The following NEGR1 variants were observed in gnomAD, a reference collection of about 807,000 sequenced individuals.
NEGR1 encodes the protein IgLON family member 4.
In NEGR1, 10 loss-of-function variants were observed where a neutral mutation model predicts 40.9. The observed-to-expected ratio is 0.24, with a 90% confidence interval of 0.15 to 0.42. NEGR1 has a LOEUF of 0.42. Ranked by LOEUF, NEGR1 falls within the 10% of genes least tolerant of loss-of-function variation. NEGR1 has a pLI of 1.00. For synonymous variants in NEGR1, 185 were observed against 166.8 expected, an observed-to-expected ratio of 1.11 and a Z score of -0.84; for missense variants, 352 against 438.9, an observed-to-expected ratio of 0.80 and a Z score of 1.77.
intron 6 of NEGR1, among the ~76,000 whole-genome samples, chr1:71,488,612 A>G (rs1646903597): frequency 6.6e-6 from 1 of 151,750 alleles, no homozygotes; most frequent in Non-Finnish European, 1.5e-5. Flanking sequence ...TCACAGAATC[A>G]GATTCTTCAT....
intron 1 of NEGR1, among the ~76,000 whole-genome samples, chr1:72,015,596 G>A (rs570018080): frequency 6.6e-6 from 1 of 152,216 alleles, no homozygotes; most frequent in Non-Finnish European, 1.5e-5. Context: ...CTTCAGCCCA[G>A]GAAGTTGAGG....
At chr1:71,752,310 G>A (rs2101688967) in intron 3 of NEGR1, among the ~76,000 whole-genome samples, 1 of 152,242 alleles carries the variant, frequency 6.6e-6, no homozygotes, top group Admixed American at 6.5e-5. Context: ...CGTGAAAGAA[G>A]TCATAGATAA....
intron 2 of NEGR1, among the ~76,000 whole-genome samples, chr1:71,877,421 TC>T (rs1660464834): frequency 6.6e-6 from 1 of 152,142 alleles, no homozygotes; most frequent in Admixed American, 6.5e-5. Context: ...TTCTGAGGGC[TC>T]CCTCCTTGGC....
intron 6 of NEGR1, among the ~76,000 whole-genome samples, chr1:71,588,314 C>T (rs750899285): frequency 1.3e-5 from 2 of 152,076 alleles, no homozygotes; most frequent in Admixed American, 6.6e-5. Context: ...AAGAATTTTG[C>T]TATGAATAGT....
At chr1:71,421,249 A>T (rs1646391894) in intron 6 of NEGR1, 1 of 152,112 alleles carries the variant, frequency 6.6e-6, no homozygotes, top group Non-Finnish European at 1.5e-5. Flanking sequence ...ATTTAGCTAT[A>T]TGTCTAGACT....
At chr1:71,545,436 C>A (rs1409492876) in intron 6 of NEGR1, among the ~76,000 whole-genome samples, 1 of 151,650 alleles carries the variant, frequency 6.6e-6, no homozygotes, top group South Asian at 2.1e-4. Flanking sequence ...GAAGCCAATG[C>A]CCTTTGCTGA....
intron 4 of NEGR1, among the ~76,000 whole-genome samples, chr1:71,645,533 AT>A (rs1406692957): frequency 6.6e-6 from 1 of 151,910 alleles, no homozygotes; most frequent in East Asian, 1.9e-4. Context: ...CAGAAAAAAA[AT>A]CTTCTCTCAA....
chr1:72,053,863 TATTTTA>T (rs1328708443), intron 1 of NEGR1, among the ~76,000 whole-genome samples: 4 of 137,912 alleles, frequency 2.9e-5, no homozygotes, highest in East Asian at 2.0e-4. Context: ...CACTTTTTTG[TATTTTA>T]ATTTTAAGAT....
At chr1:71,779,996 G>A (rs1375498482) in intron 2 of NEGR1, among the ~76,000 whole-genome samples, 2 of 136,160 alleles carry the variant, frequency 1.5e-5, no homozygotes, top group African/African-American at 2.7e-5. Flanking sequence ...AAGGGTTTTG[G>A]ATGGTCCCAG....
rs185271560 is a variant in NEGR1, at chr1:71,807,636, T to C, written c.410-31339A>G. On this transcript the variant is annotated intron_variant, in intron 2 of 6. Transcript: ENST00000357731. Reference sequence around the variant, plus strand: ...GGATTTAGCCTCACTTTATGCTTTTTCTGCATTTACAAAGTCTAAGGTAAC... The same window carrying C: ...GGATTTAGCCTCACTTTATGCTTTTCCTGCATTTACAAAGTCTAAGGTAAC... 2.5e-3 allele frequency among the ~76,000 whole-genome samples: 386 copies of C among 152,338 alleles called. 1 individual carries two copies. The highest frequency in any genetic ancestry group is 8.9e-3 in the African/African-American group (370 of 41,592).
chr1:71,558,341 A>C (rs1264119923), intron 6 of NEGR1, among the ~76,000 whole-genome samples: 1 of 151,600 alleles, frequency 6.6e-6, no homozygotes. Flanking sequence ...TATTGAGGAT[A>C]TACTGATATC....
chr1:71,960,534 G>A (rs1012807816), intron 1 of NEGR1, among the ~76,000 whole-genome samples: 1 of 152,160 alleles, frequency 6.6e-6, no homozygotes, highest in African/African-American at 2.4e-5. Context: ...ATAAAATGAA[G>A]ATGTAAGTTT....
intron 2 of NEGR1, among the ~76,000 whole-genome samples, chr1:71,916,383 T>A (rs948480986): frequency 2.6e-5 from 4 of 152,128 alleles, no homozygotes; most frequent in Non-Finnish European, 5.9e-5. Context: ...AAGTTCTACA[T>A]AATATAAAGA....
chr1:72,243,479 G>C (rs573712859), intron 1 of NEGR1, among the ~76,000 whole-genome samples: 1 of 151,606 alleles, frequency 6.6e-6, no homozygotes, highest in Non-Finnish European at 1.5e-5. Context: ...TGTACCCCTT[G>C]AATCTAAAAT....
chr1:72,117,596 T>A (rs1228358473), intron 1 of NEGR1, among the ~76,000 whole-genome samples: 1 of 151,784 alleles, frequency 6.6e-6, no homozygotes, highest in Non-Finnish European at 1.5e-5. Flanking sequence ...TACCATGGAA[T>A]TTGGGACAAC....
chr1:72,169,279 AT>A (rs202096780), intron 1 of NEGR1, among the ~76,000 whole-genome samples: 2 of 152,088 alleles, frequency 1.3e-5, no homozygotes, highest in African/African-American at 4.8e-5. Context: ...TCAAAATCAT[AT>A]TTTTATGTCT....
At position 71,530,535 on chromosome 1, in the gene NEGR1, A is replaced by T. The variant is rs182593667; in HGVS notation, c.940+62282T>A. On this transcript the variant is annotated intron_variant, in intron 6 of 6. Coordinates refer to ENST00000357731, the MANE Select transcript of NEGR1 (RefSeq NM_173808.3). ...GCCTTCAACAAATTCACAATTAATG[A>T]AGGGTGAGTTTCATTTATAGCTGCA... Among the ~76,000 whole-genome samples, 9 of 151,486 alleles carry T rather than the reference A, an allele frequency of 5.9e-5. No individual in the cohort carries two copies. In the East Asian group the frequency reaches 1.6e-3, roughly 26 times the overall value.
chr1:71,611,580 A>G (rs1012363744), intron 4 of NEGR1, among the ~76,000 whole-genome samples: 1 of 152,220 alleles, frequency 6.6e-6, no homozygotes, highest in Non-Finnish European at 1.5e-5. Context: ...TCAATTTTAC[A>G]AATGTGAAAA....
intron 1 of NEGR1, among the ~76,000 whole-genome samples, chr1:72,044,658 T>C (rs904119559): frequency 1.3e-5 from 2 of 151,786 alleles, no homozygotes; most frequent in Non-Finnish European, 2.9e-5. Flanking sequence ...TGAAAAAACA[T>C]AAACTCTGAT....
Sources: gnomAD v4.1 joint callset for allele counts (sites outside exome capture counted in the v4.1 genomes callset) on GRCh38, gnomAD v4.1.1 for gene constraint, MANE v1.5 for transcripts, NCBI Gene and HGNC (gene_info 2026-07-23, HGNC 2026-07-21) for gene names.